The following HTR4 variants were observed in gnomAD, a reference collection of about 807,000 sequenced individuals.
The protein encoded by HTR4 is 5-hydroxytryptamine receptor 4, also known as 5-hydroxytryptamine (serotonin) receptor 4, G protein-coupled.
HTR4 carries 16 observed loss-of-function variants against 36.8 expected under a neutral mutation model. The observed-to-expected ratio is 0.43, with a 90% confidence interval of 0.29 to 0.66. HTR4 has a LOEUF of 0.66. Among genes scored for constraint, HTR4 ranks in the 30% least tolerant of loss-of-function variants. The pLI, the probability that HTR4 is intolerant of heterozygous loss-of-function variation, is 0.13. For missense variants in HTR4, 438 were observed against 490.9 expected, an observed-to-expected ratio of 0.89 and a Z score of 1.02; for synonymous variants, 189 against 185.1, an observed-to-expected ratio of 1.02 and a Z score of -0.17.
chr5:148,525,510 G>A (rs1581424801), intron 4 of HTR4, among the ~76,000 whole-genome samples: 2 of 152,090 alleles, frequency 1.3e-5, no homozygotes, highest in Admixed American at 1.3e-4. Context: ...CTAGCCTAGG[G>A]GTGACCCGAT....
At chr5:148,458,164 A>C (rs1462515348) in intron 5 of HTR4, among the ~76,000 whole-genome samples, 4 of 145,034 alleles carry the variant, frequency 2.8e-5, no homozygotes, top group African/African-American at 1.0e-4. Context: ...TCATTAAAAT[A>C]TATTATATTT....
At chr5:148,492,773 TCAAA>T (rs1373751226) in intron 6 of HTR4, among the ~76,000 whole-genome samples, 1 of 152,198 alleles carries the variant, frequency 6.6e-6, no homozygotes, top group Non-Finnish European at 1.5e-5. Context: ...AGATGTTTGG[TCAAA>T]CACTTAAGGT....
intron 2 of HTR4, among the ~76,000 whole-genome samples, chr5:148,565,546 T>G (rs1277990798): frequency 6.6e-6 from 1 of 152,074 alleles, no homozygotes; most frequent in Non-Finnish European, 1.5e-5. Context: ...TGGGAGGATT[T>G]GAGGCTGGCA....
At chr5:148,494,690 T>C (rs1003120952) in intron 6 of HTR4, among the ~76,000 whole-genome samples, 3 of 152,240 alleles carry the variant, frequency 2.0e-5, no homozygotes, top group African/African-American at 7.2e-5. Flanking sequence ...AAGGCACATA[T>C]AGCTCTGGAG....
intron 6 of HTR4, among the ~76,000 whole-genome samples, chr5:148,492,466 T>C (rs895930485): frequency 1.3e-5 from 2 of 152,202 alleles, no homozygotes; most frequent in African/African-American, 4.8e-5. Flanking sequence ...CCTGCATCCC[T>C]TGTTTCAGGA....
At chr5:148,476,974 T>A (rs1032021750), downstream of HTR4, among the ~76,000 whole-genome samples, 1 of 152,130 alleles carries the variant, frequency 6.6e-6, no homozygotes, top group African/African-American at 2.4e-5. Context: ...GAGTAGTAGC[T>A]GAATGTGCAA....
In HTR4 at chr5:148,496,951, A is replaced by T. The variant is rs548500920; in HGVS notation, c.1076+12505T>A. 2.0e-5 allele frequency among the ~76,000 whole-genome samples: 3 copies of T among 152,308 alleles called. No homozygotes were observed. The South Asian group carries it at 6.2e-4, about 32-fold the overall frequency. On this transcript the variant is annotated intron_variant, in intron 6 of 6. Coordinates refer to ENST00000377888, the MANE Select transcript of HTR4 (RefSeq NM_000870.7). ...CGTGAATCAAACTTCAGAACCTAAT[A>T]AATTGAGTTCCAGAATCTGCAAACC...
chr5:148,540,228 G>A (rs1183850341), intron 4 of HTR4, among the ~76,000 whole-genome samples: 3 of 151,464 alleles, frequency 2.0e-5, no homozygotes, highest in African/African-American at 7.3e-5. Flanking sequence ...TAAGAGTGGA[G>A]GCTGGGAGGA....
chr5:148,609,581 G>GTT (rs5872086), intron 2 of HTR4, among the ~76,000 whole-genome samples: 3,915 of 143,296 alleles, frequency 0.027, 169 homozygotes, highest in African/African-American at 0.082. Flanking sequence ...ATTTTTAAGG[G>GTT]TTTTTTTTTT....
At chr5:148,643,999 A>G (rs529865981) in intron 1 of HTR4, among the ~76,000 whole-genome samples, 1 of 152,324 alleles carries the variant, frequency 6.6e-6, no homozygotes, top group African/African-American at 2.4e-5. Context: ...ATGGTTCTCA[A>G]GTTTAGGCAT....
intron 6 of HTR4, among the ~76,000 whole-genome samples, chr5:148,499,738 C>A (rs1001518970): frequency 5.3e-5 from 8 of 152,262 alleles, no homozygotes; most frequent in African/African-American, 7.2e-5. Context: ...GGAGGTTGGG[C>A]CTAGTGTGAG....
At chr5:148,525,019 G>T (rs567634252) in intron 4 of HTR4, among the ~76,000 whole-genome samples, 1 of 152,244 alleles carries the variant, frequency 6.6e-6, no homozygotes, top group African/African-American at 2.4e-5. Context: ...CCTTGTAGCT[G>T]GCAAGCTTGG....
At chr5:148,614,569 A>T (rs1160463187) in intron 2 of HTR4, among the ~76,000 whole-genome samples, 2 of 152,244 alleles carry the variant, frequency 1.3e-5, no homozygotes, top group Non-Finnish European at 2.9e-5. Context: ...ACCTAAAACC[A>T]TAAAAACCCT....
chr5:148,639,458 C>T (rs1753656522), intron 1 of HTR4, among the ~76,000 whole-genome samples: 1 of 151,880 alleles, frequency 6.6e-6, no homozygotes, highest in African/African-American at 2.4e-5. Context: ...GTCTCTTTTC[C>T]CTGGAATGTG....
rs750941627 is a variant in HTR4 at position 148,509,989 on chromosome 5, A to T, written c.543T>A (p.Ser181=). Residue 181 remains serine (S), a synonymous_variant, in exon 6 of 7, where the codon TCT becomes TCA. Coordinates refer to ENST00000377888, the MANE Select transcript of HTR4 (RefSeq NM_000870.7). ...EKRKFNQNSN[S]TYCVFMVNKP... is the part of the protein sequence containing the mutation. ...TGTTGACCATGAAGACACAGTACGTAGAGTTAGAGTTCTGGTTGAACTTCC... is the reference window on the plus strand; with the variant it reads ...TGTTGACCATGAAGACACAGTACGTTGAGTTAGAGTTCTGGTTGAACTTCC... The T allele has an allele frequency of 1.9e-6, 3 of 1,613,538 alleles. No homozygotes were observed. The highest frequency in any genetic ancestry group is 2.5e-6 in the Non-Finnish European group (3 of 1,179,768).
At chr5:148,623,189 C>G (rs1752976124) in intron 2 of HTR4, among the ~76,000 whole-genome samples, 1 of 152,088 alleles carries the variant, frequency 6.6e-6, no homozygotes, top group Non-Finnish European at 1.5e-5. Context: ...GAAAAGGCAC[C>G]AGACATTCCT....
At chr5:148,614,581 G>T (rs1752583379) in intron 2 of HTR4, among the ~76,000 whole-genome samples, 1 of 152,156 alleles carries the variant, frequency 6.6e-6, no homozygotes, top group Admixed American at 6.5e-5. Context: ...AAAAACCCTA[G>T]AAGAAAACCT....
rs113395862 is a variant in HTR4 at position 148,539,308 on chromosome 5, G to A, written c.353+9360C>T. Among the ~76,000 whole-genome samples the A allele has an allele frequency of 7.5e-3, 1,143 of 152,238 alleles. 12 individuals are homozygous for A. Among genetic ancestry groups the A allele is most frequent in the African/African-American group, 0.026 (1,096 of 41,540 alleles). Reference sequence around the variant, plus strand: ...ACTAGGTAATACCATCCTGGACATAGGAACAGGCAAAGATTTCATTACGAA... The same window carrying A: ...ACTAGGTAATACCATCCTGGACATAAGAACAGGCAAAGATTTCATTACGAA... On this transcript the variant is annotated intron_variant, in intron 4 of 6. Coordinates refer to ENST00000377888, the MANE Select transcript of HTR4 (RefSeq NM_000870.7).
chr5:148,460,813 A>G (rs1179032990), intron 5 of HTR4, among the ~76,000 whole-genome samples: 12 of 152,244 alleles, frequency 7.9e-5, no homozygotes, highest in Admixed American at 7.8e-4. Flanking sequence ...AATAGCAATA[A>G]TGTATTAATT....
Sources: allele counts gnomAD v4.1 joint callset (sites outside exome capture counted in the v4.1 genomes callset), GRCh38; gene constraint gnomAD v4.1.1; transcripts MANE v1.5; gene names NCBI Gene and HGNC (gene_info 2026-07-23, HGNC 2026-07-21).